Variants in RBMS1 observed in about 807,000 individuals in gnomAD.
The protein encoded by RBMS1 is RNA-binding motif, single-stranded-interacting protein 1.
In RBMS1, 17 loss-of-function variants were observed where a neutral mutation model predicts 62.3. The observed-to-expected ratio is 0.27, with a 90% CI of 0.19 to 0.41. RBMS1 has a LOEUF of 0.41. RBMS1 is among the 10% of genes least tolerant of loss of function. The probability of loss-of-function intolerance (pLI) is 1.00; values close to 1 mark genes in which losing one functional copy is unlikely to be tolerated. For synonymous variants in RBMS1, 172 were observed against 170.0 expected (o/e 1.01, Z -0.09); for missense variants, 334 against 504.5 (o/e 0.66, Z 3.24).
chr2:160,428,706 T>C (rs1173283618), intron 1 of RBMS1, among the ~76,000 whole-genome samples: 2 of 152,194 alleles, frequency 1.3e-5, no homozygotes, highest in Non-Finnish European at 2.9e-5. Context: ...CCTTTTACTA[T>C]ATAAAGAACC....
intron 1 of RBMS1, among the ~76,000 whole-genome samples, chr2:160,454,277 C>G (rs1684117305): frequency 6.6e-6 from 1 of 152,208 alleles, no homozygotes. Flanking sequence ...TCTTTTCATG[C>G]AATGTTACAT....
intron 1 of RBMS1, among the ~76,000 whole-genome samples, chr2:160,491,618 T>C (rs932778862): frequency 5.3e-5 from 8 of 152,260 alleles, no homozygotes; most frequent in African/African-American, 1.9e-4. Flanking sequence ...TGTAGAAACA[T>C]GGCTTTTTTT....
At chr2:160,338,368 T>C (rs1485918073) in intron 2 of RBMS1, among the ~76,000 whole-genome samples, 3 of 152,152 alleles carry the variant, frequency 2.0e-5, no homozygotes, top group African/African-American at 4.8e-5. Flanking sequence ...ACTGAGAAAG[T>C]TGGAGTTTGT....
In RBMS1 at chr2:160,286,975, C is replaced by T. The variant is rs1337930073; in HGVS notation, c.750G>A (p.Val250=). 1 of 1,610,958 alleles carries T rather than the reference C, an allele frequency of 6.2e-7. No homozygotes were observed. Among genetic ancestry groups the T allele is most frequent in the Non-Finnish European group, 8.5e-7 (1 of 1,179,412 alleles). The change falls in exon 7 of 14, where the codon GTG becomes GTA. Residue 250 remains valine (V), a synonymous_variant. Transcript: ENST00000348849. ...NGRPWHREGE[V]RLAGMTLTYD... is the part of the protein sequence containing the mutation. ...GTTTCAAGAAAGGACTTACAAGTCT[C>T]ACCTCTCCTTCTCTATGCCATGGTC...
At chr2:160,278,497 A>T (rs1044239576) in intron 11 of RBMS1, 51 bp downstream of exon 11, 1 of 1,445,988 alleles carries the variant, frequency 6.9e-7, no homozygotes, top group Non-Finnish European at 9.7e-7. Context: ...AGGCTGCATT[A>T]ATTTACCCTC....
At chr2:160,438,806 G>A (rs576738842) in intron 1 of RBMS1, among the ~76,000 whole-genome samples, 150 of 152,306 alleles carry the variant, frequency 9.8e-4, no homozygotes, top group Non-Finnish European at 1.8e-3. Context: ...TGGCCGGGCA[G>A]AGGGGCTCCT....
intron 1 of RBMS1, among the ~76,000 whole-genome samples, chr2:160,486,399 T>C (rs1685602569): frequency 6.6e-6 from 1 of 152,178 alleles, no homozygotes; most frequent in Non-Finnish European, 1.5e-5. Context: ...ACACCTCTAG[T>C]ATTGTGTGAA....
chr2:160,451,954 T>G (rs1459060827), intron 1 of RBMS1, among the ~76,000 whole-genome samples: 1 of 152,148 alleles, frequency 6.6e-6, no homozygotes, highest in African/African-American at 2.4e-5. Context: ...TATTTCCATC[T>G]AAGTTTTTTT....
intron 1 of RBMS1, among the ~76,000 whole-genome samples, chr2:160,483,891 G>A (rs1004199584): frequency 1.4e-5 from 2 of 142,072 alleles, no homozygotes; most frequent in African/African-American, 5.3e-5. Context: ...TCATCACAGA[G>A]TCTGTTGAGC....
chr2:160,328,485 T>TC lies in RBMS1; in HGVS notation c.252-10259dup, dbSNP rs575969549. Reference sequence around the variant, plus strand: ...AAAATATAAACATGTAATATGATTTTCCCCCAAAAAGTGTTTGGTGTGGGG... The same window carrying TC: ...AAAATATAAACATGTAATATGATTTTCCCCCCAAAAAGTGTTTGGTGTGGGG... On this transcript the variant is annotated intron_variant, in intron 2 of 13. Transcript: ENST00000348849. Among the ~76,000 whole-genome samples, 1,195 of 152,082 alleles carry TC rather than the reference T, an allele frequency of 7.9e-3. 11 individuals are homozygous for TC. The highest frequency in any genetic ancestry group is 0.026 in the African/African-American group (1,084 of 41,488).
intron 1 of RBMS1, among the ~76,000 whole-genome samples, chr2:160,450,392 T>C (rs978934889): frequency 2.6e-5 from 4 of 151,858 alleles, no homozygotes; most frequent in African/African-American, 9.7e-5. Flanking sequence ...TACAAAAAAT[T>C]AGCCGGGCGT....
At chr2:160,348,486 A>G (rs971316989) in intron 2 of RBMS1, among the ~76,000 whole-genome samples, 4 of 152,148 alleles carry the variant, frequency 2.6e-5, no homozygotes, top group African/African-American at 9.6e-5. Flanking sequence ...AAGGTAAAAA[A>G]TCAACAGCAA....
chr2:160,311,228 C>CTATATATCTATATATATATATA (rs1252861710), intron 4 of RBMS1, among the ~76,000 whole-genome samples: 1 of 95,944 alleles, frequency 1.0e-5, no homozygotes, highest in Admixed American at 1.4e-4. Flanking sequence ...ATCTATCTAT[C>CTATATATCTATATATATATATA]TATCTATATA....
chr2:160,397,856 T>C (rs1695228629), intron 1 of RBMS1, among the ~76,000 whole-genome samples: 1 of 152,256 alleles, frequency 6.6e-6, no homozygotes, highest in South Asian at 2.1e-4. Context: ...CCTTGGCTTC[T>C]GTGACACTCT....
chr2:160,450,645 T>C (rs1441776755), intron 1 of RBMS1, among the ~76,000 whole-genome samples: 1 of 151,872 alleles, frequency 6.6e-6, no homozygotes, highest in Non-Finnish European at 1.5e-5. Flanking sequence ...GAATGCCTTC[T>C]TCCTTTGGAT....
intron 1 of RBMS1, among the ~76,000 whole-genome samples, chr2:160,473,289 C>G (rs1684996736): frequency 1.3e-5 from 2 of 152,102 alleles, no homozygotes; most frequent in East Asian, 1.9e-4. Flanking sequence ...AAAAAGTAAT[C>G]TATTACAGAT....
chr2:160,454,818 T>C (rs1368186178), intron 1 of RBMS1, among the ~76,000 whole-genome samples: 1 of 152,202 alleles, frequency 6.6e-6, no homozygotes, highest in Non-Finnish European at 1.5e-5. Context: ...TTTTCAAATA[T>C]CACCATGAAA....
At chr2:160,279,494 TC>T (rs998614217) in intron 10 of RBMS1, 1 of 152,222 alleles carries the variant, frequency 6.6e-6, no homozygotes, top group Non-Finnish European at 1.5e-5. Flanking sequence ...CAACTTCATA[TC>T]CTGGGATTTT....
chr2:160,426,297 A>AAGAAAGAAGGAAGGAAGGAAGGAAG (rs1682606327), intron 1 of RBMS1, among the ~76,000 whole-genome samples: 1 of 56,102 alleles, frequency 1.8e-5, no homozygotes, highest in East Asian at 7.1e-4. Flanking sequence ...AAGAAAAGAA[A>AAGAAAGAAGGAAGGAAGGAAGGAAG]GAAGGAAGGA....
Sources: allele counts gnomAD v4.1 joint callset (sites outside exome capture counted in the v4.1 genomes callset), GRCh38; gene constraint gnomAD v4.1.1; transcripts MANE v1.5; gene names NCBI Gene and HGNC (gene_info 2026-07-23, HGNC 2026-07-21).